The following ARMC2 variants were observed in gnomAD, a reference collection of about 807,000 sequenced individuals.
The protein encoded by ARMC2 is armadillo repeat containing 2, also known as armadillo repeat-containing protein 2.
ARMC2 carries 67 observed loss-of-function variants against 90.3 expected under a neutral mutation model. The ratio of observed to expected loss-of-function variants is 0.74; its 90% CI spans 0.61 to 0.91. The LOEUF (loss-of-function observed/expected upper bound fraction) is 0.91. Among genes scored for constraint, ARMC2 ranks in the 40% least tolerant of loss-of-function variants. The pLI is 0.00. For synonymous variants in ARMC2, 393 were observed against 393.0 expected (o/e 1.00, Z 0.00); for missense variants, 920 against 1,030.9 (o/e 0.89, Z 1.47).
At chr6:109,026,301 CAGAA>C in the ARMC2 span, among the ~76,000 whole-genome samples, 3 of 152,082 alleles carry the variant, frequency 2.0e-5, no homozygotes, top group African/African-American at 7.2e-5. Context: ...AAAATGATCT[CAGAA>C]GGAAGTGTGA....
At chr6:109,001,536 T>G in the ARMC2 span, 3 of 1,532,138 alleles carry the variant, frequency 2.0e-6, no homozygotes, top group South Asian at 3.4e-5. Flanking sequence ...AAATTGGTGT[T>G]AAGGGAAGAA....
chr6:109,020,436 G>A, the ARMC2 span, among the ~76,000 whole-genome samples: 1 of 152,104 alleles, frequency 6.6e-6, no homozygotes, highest in African/African-American at 2.4e-5. Context: ...CTTGCTGTGG[G>A]TAGAAAATAA....
intron 5 of ARMC2, among the ~76,000 whole-genome samples, chr6:108,883,320 A>G (rs1156362998): frequency 2.6e-5 from 4 of 152,256 alleles, no homozygotes; most frequent in Non-Finnish European, 4.4e-5. Flanking sequence ...TGCACTTTCC[A>G]GAAAACCTGT....
chr6:108,977,968 T>G (rs1779017759), downstream of ARMC2, among the ~76,000 whole-genome samples: 1 of 152,210 alleles, frequency 6.6e-6, no homozygotes, highest in South Asian at 2.1e-4. Context: ...TTCATTGATC[T>G]TTTGAAGGTT....
At chr6:108,915,809 G>A (rs2128475356) in intron 10 of ARMC2, among the ~76,000 whole-genome samples, 1 of 152,264 alleles carries the variant, frequency 6.6e-6, no homozygotes, top group Non-Finnish European at 1.5e-5. Flanking sequence ...AGCAGTTGGA[G>A]GTGAGTGCAT....
chr6:108,943,992 C>T (rs1776634756), intron 12 of ARMC2, among the ~76,000 whole-genome samples: 1 of 152,264 alleles, frequency 6.6e-6, no homozygotes, highest in Admixed American at 6.5e-5. Flanking sequence ...GGCCCAAGAA[C>T]CTATTTTTAA....
chr6:109,000,719 A>G, the ARMC2 span: 1 of 1,386,490 alleles, frequency 7.2e-7, no homozygotes, highest in Non-Finnish European at 9.5e-7. Context: ...AAAACCTTGA[A>G]CTACATATCC....
chr6:109,005,988 G>A, the ARMC2 span, among the ~76,000 whole-genome samples: 10 of 152,182 alleles, frequency 6.6e-5, no homozygotes, highest in Non-Finnish European at 1.2e-4. Context: ...AATGATATCT[G>A]AGAACCAAAT....
chr6:108,868,765 G>C (rs901425585), intron 3 of ARMC2, 59 bp from the exon 4 acceptor site: 19 of 1,534,538 alleles, frequency 1.2e-5, no homozygotes, highest in Non-Finnish European at 1.6e-5. Context: ...CAGCTCTGAG[G>C]TAAGTGTTAT....
chr6:108,893,373 A>G (rs1771286316), intron 5 of ARMC2, among the ~76,000 whole-genome samples: 1 of 152,236 alleles, frequency 6.6e-6, no homozygotes, highest in South Asian at 2.1e-4. Context: ...GCAAATTTGT[A>G]AATTATGAGA....
intron 12 of ARMC2, among the ~76,000 whole-genome samples, chr6:108,946,954 C>T (rs895169704): frequency 1.3e-5 from 2 of 152,146 alleles, no homozygotes; most frequent in Non-Finnish European, 1.5e-5. Flanking sequence ...TGTGAGGTAG[C>T]AAAGAAGTGG....
chr6:108,887,884 A>G (rs1201764534), intron 5 of ARMC2, among the ~76,000 whole-genome samples: 1 of 152,218 alleles, frequency 6.6e-6, no homozygotes, highest in Non-Finnish European at 1.5e-5. Flanking sequence ...TCTGATAGGC[A>G]GGAATGCTTT....
At position 108,953,242 on chromosome 6, in the gene ARMC2, C is replaced by T. The variant is rs745782951; in HGVS notation, c.1806C>T (p.Asp602=). Residue 602 remains aspartate, a synonymous_variant, in exon 13 of 18, where the codon GAC becomes GAT. Transcript: ENST00000392644. The part of the protein sequence containing the change: ...RAQRPPSEAE[D]VLIKLTRVLA... The stretch of plus-strand genomic sequence containing the variant: ...AGAGGCCGCCGTCAGAGGCAGAGGA[C>T]GTGCTCATCAAGCTGACTCGTGTGC... The T allele has an allele frequency of 8.1e-6, 13 of 1,613,588 alleles. No individual in the cohort carries two copies. Among genetic ancestry groups the T allele is most frequent in the Middle Eastern group, 3.3e-4 (2 of 6,084 alleles).
chr6:108,936,246 TTTTG>T (rs540518859), intron 11 of ARMC2, among the ~76,000 whole-genome samples: 23 of 151,978 alleles, frequency 1.5e-4, no homozygotes, highest in East Asian at 3.9e-4. Context: ...TGTATAGGTT[TTTTG>T]TTTGTTTGTT....
At chr6:108,940,441 G>A (rs1376045802) in intron 12 of ARMC2, among the ~76,000 whole-genome samples, 1 of 152,216 alleles carries the variant, frequency 6.6e-6, no homozygotes, top group Non-Finnish European at 1.5e-5. Flanking sequence ...GATCTACAGA[G>A]GGCCCAAAGA....
At chr6:108,927,232 G>T (rs1349981178) in intron 10 of ARMC2, among the ~76,000 whole-genome samples, 1 of 152,054 alleles carries the variant, frequency 6.6e-6, no homozygotes, top group Non-Finnish European at 1.5e-5. Flanking sequence ...CTGCCCCTGG[G>T]CACTTCACTA....
At chr6:108,913,890 C>T (rs544837905) in intron 10 of ARMC2, among the ~76,000 whole-genome samples, 13 of 152,302 alleles carry the variant, frequency 8.5e-5, no homozygotes, top group Non-Finnish European at 1.5e-4. Context: ...CTATGCCCTT[C>T]TCTCTCCTCA....
the ARMC2 span, among the ~76,000 whole-genome samples, chr6:108,990,248 A>G: frequency 4.6e-5 from 7 of 152,242 alleles, no homozygotes; most frequent in African/African-American, 1.7e-4. Flanking sequence ...GAAGGAGCCT[A>G]AGAACAGCCA....
chr6:108,855,684 A>T (rs1472788498), intron 2 of ARMC2, among the ~76,000 whole-genome samples: 2 of 152,222 alleles, frequency 1.3e-5, no homozygotes, highest in Non-Finnish European at 2.9e-5. Context: ...CCCACCAGCA[A>T]TGAATGAGAG....
Sources: allele counts gnomAD v4.1 joint callset (sites outside exome capture counted in the v4.1 genomes callset), GRCh38; gene constraint gnomAD v4.1.1; transcripts MANE v1.5; gene names NCBI Gene and HGNC (gene_info 2026-07-23, HGNC 2026-07-21).